Variants in H6PD observed in about 807,000 individuals in gnomAD.
H6PD encodes the protein GDH/6PGL endoplasmic bifunctional protein.
H6PD carries 48 observed loss-of-function variants against 61.2 expected under a neutral mutation model. The observed-to-expected ratio is 0.78, with a 90% CI of 0.62 to 1.00. H6PD has a LOEUF of 1.00. Ranked by LOEUF, H6PD falls within the 50% of genes least tolerant of loss-of-function variation. H6PD has a pLI of 0.00. For missense variants in H6PD, 1,093 were observed against 1,065.0 expected, an observed-to-expected ratio of 1.03 and a Z score of -0.37; for synonymous variants, 480 against 457.9, an observed-to-expected ratio of 1.05 and a Z score of -0.62.
chr1:9,239,575 A>G (rs1484775604), intron 1 of H6PD, among the ~76,000 whole-genome samples: 1 of 152,260 alleles, frequency 6.6e-6, no homozygotes, highest in Non-Finnish European at 1.5e-5. Context: ...TTGTAAAAAG[A>G]CTAGGCACAT....
At chr1:9,246,566 C>T (rs531122040) in intron 2 of H6PD, among the ~76,000 whole-genome samples, 100 of 152,236 alleles carry the variant, frequency 6.6e-4, no homozygotes, top group Non-Finnish European at 1.1e-3. Context: ...AGTAGGATTC[C>T]TAAATAGGGG....
intron 1 of H6PD, 73 bp from the exon 2 acceptor site, chr1:9,244,852 G>A: frequency 7.1e-7 from 1 of 1,402,614 alleles, no homozygotes; most frequent in Non-Finnish European, 1.0e-6. Context: ...GGAAGTGTTT[G>A]TTTCCACATC....
rs766100678 is a variant in H6PD, at chr1:9,264,262, C to T, written c.1769C>T (p.Ser590Leu). Residue 590 changes from serine (S) to leucine (L), a missense_variant, in exon 5 of 5, where the codon TCG (serine) becomes TTG (leucine). By Grantham distance (145) the Ser-to-Leu change is moderately radical. Transcript: ENST00000377403. ...RRFGQFHLAL[S>L]GGSSPVALFQ... ...TTTGGCCAGTTCCACCTGGCACTGT[C>T]GGGGGGCTCGAGCCCCGTGGCCCTG... 1.9e-5 allele frequency: 30 copies of T among 1,609,414 alleles called. No individual in the cohort carries two copies. The highest frequency in any genetic ancestry group is 9.3e-5 in the African/African-American group (7 of 74,876).
intron 4 of H6PD, among the ~76,000 whole-genome samples, chr1:9,262,687 A>C (rs1638363947): frequency 6.6e-6 from 1 of 152,108 alleles, no homozygotes; most frequent in Non-Finnish European, 1.5e-5. Flanking sequence ...ACAGCTGGAG[A>C]CACTTCCAGC....
chr1:9,264,755 C>G lies in H6PD; in HGVS notation c.2262C>G (p.Ile754Met). 6.8e-6 allele frequency: 11 copies of G among 1,613,022 alleles called. No individual in the cohort carries two copies. Among genetic ancestry groups the G allele is most frequent in the Non-Finnish European group, 9.3e-6 (11 of 1,179,874 alleles). The stretch of plus-strand genomic sequence containing the variant: ...TCATGGGCAGGATGAAGCGTGAGAT[C>G]ACCACGCTGGTGAGCCGGGTGGGCC... The part of the protein sequence containing the change: ...VLVMGRMKRE[I>M]TTLVSRVGHE... Residue 754 changes from isoleucine to methionine, a missense_variant, in exon 5 of 5, where the codon ATC becomes ATG. Physicochemically the swap from Ile to Met is conservative, Grantham distance 10. Coordinates refer to ENST00000377403, the MANE Select transcript of H6PD (RefSeq NM_004285.4).
rs970052180 is a variant in H6PD at position 9,269,274 on chromosome 1, C to T, written c.*4405C>T. On this transcript the variant is annotated 3_prime_UTR_variant, in exon 5 of 5. Transcript: ENST00000377403. This position sits in a 1 kb window ranked among gnomAD's most constrained non-coding sequence, Gnocchi z 4.3. Reference sequence around the variant, plus strand: ...GCTGGCTGAACTGAACGCATTCCCTCTCTCCGCAACTCTCCCGTGAGGCTG... The same window carrying T: ...GCTGGCTGAACTGAACGCATTCCCTTTCTCCGCAACTCTCCCGTGAGGCTG... The T allele has an allele frequency of 6.6e-6, 1 of 152,356 alleles. No homozygotes were observed. Among genetic ancestry groups the T allele is most frequent in the Non-Finnish European group, 1.5e-5 (1 of 68,130 alleles). 9.4% of individuals were successfully genotyped at this position (152,356 alleles called of 1,614,324 possible).
chr1:9,265,692 C>T lies in H6PD; in HGVS notation c.*823C>T, dbSNP rs9434745. On this transcript the variant is annotated 3_prime_UTR_variant, in exon 5 of 5. Coordinates refer to ENST00000377403, the MANE Select transcript of H6PD (RefSeq NM_004285.4). ...AAATATTTGCAGAGATGAGCTCTTG[C>T]TATGTTGCCCAGGCTGGTCTCAAAC... is the stretch of plus-strand genomic sequence containing the variant. 1 of 152,506 alleles carries T rather than the reference C, an allele frequency of 6.6e-6. No individual in the cohort carries two copies. The highest frequency in any genetic ancestry group is 2.4e-5 in the African/African-American group (1 of 41,542). The allele number at this position is 152,506 out of a possible 1,614,324, so 9.4% of individuals were successfully genotyped here.
At chr1:9,244,896 T>C (rs1244438470) in intron 1 of H6PD, 29 bp from the exon 2 acceptor site, 1 of 1,609,852 alleles carries the variant, frequency 6.2e-7, no homozygotes, top group African/African-American at 1.3e-5. Flanking sequence ...TCCTTCCTTG[T>C]TCCTCGTCTG....
chr1:9,247,216 G>C, intron 3 of H6PD, 133 bp downstream of exon 3: 1 of 725,236 alleles, frequency 1.4e-6, no homozygotes, highest in Non-Finnish European at 2.5e-6. Context: ...CGTGTGCCTA[G>C]CTCTGAACCG....
rs1638518531 is a variant in H6PD at position 9,265,274 on chromosome 1, GA to G, written c.*407del. The G allele has an allele frequency of 2.8e-6, 1 of 358,850 alleles. No homozygotes were observed. 22.2% of individuals were successfully genotyped at this position (358,850 alleles called of 1,614,324 possible). ...AGGTTTCCTGGGGGAGGTGATCCTT[GA>G]ACTGGCTCCCGGGGAACATTCAGAG... On this transcript the variant is annotated 3_prime_UTR_variant, in exon 5 of 5. Coordinates refer to ENST00000377403, the MANE Select transcript of H6PD (RefSeq NM_004285.4).
chr1:9,248,250 G>T (rs561798462), intron 3 of H6PD, among the ~76,000 whole-genome samples: 4 of 152,368 alleles, frequency 2.6e-5, no homozygotes, highest in Admixed American at 6.5e-5. Context: ...TGGGCCAGGA[G>T]GTTTCTCCTC....
chr1:9,242,228 C>T (rs939796355), intron 1 of H6PD, among the ~76,000 whole-genome samples: 1 of 152,098 alleles, frequency 6.6e-6, no homozygotes, highest in Admixed American at 6.5e-5. Flanking sequence ...TGCTCTTGGA[C>T]CAGCTGTCAG....
In H6PD at chr1:9,264,773, G is replaced by A; in HGVS notation, c.2280G>A (p.Arg760=). The change falls in exon 5 of 5, where the codon CGG becomes CGA. Residue 760 remains arginine, a synonymous_variant. Transcript: ENST00000377403. Reference sequence around the variant, plus strand: ...GTGAGATCACCACGCTGGTGAGCCGGGTGGGCCATGAGCCCAAGAAGTGGC... The same window carrying A: ...GTGAGATCACCACGCTGGTGAGCCGAGTGGGCCATGAGCCCAAGAAGTGGC... ...MKREITTLVS[R]VGHEPKKWPI... The A allele has an allele frequency of 1.2e-6, 2 of 1,613,120 alleles. No individual in the cohort carries two copies. Among genetic ancestry groups the A allele is most frequent in the Non-Finnish European group, 8.5e-7 (1 of 1,179,998 alleles).
intron 1 of H6PD, among the ~76,000 whole-genome samples, chr1:9,241,745 A>G (rs1402841886): frequency 2.0e-5 from 3 of 152,130 alleles, no homozygotes; most frequent in Non-Finnish European, 4.4e-5. Context: ...AGTGGTCTTG[A>G]GCCCAGGTCC....
At chr1:9,242,849 G>T in intron 1 of H6PD, 1 of 985,444 alleles carries the variant, frequency 1.0e-6, no homozygotes, top group Non-Finnish European at 1.2e-6. Flanking sequence ...CCTCTCTCCT[G>T]CACTGACCTT....
At chr1:9,259,175 G>A (rs1255412663) in intron 3 of H6PD, among the ~76,000 whole-genome samples, 1 of 152,176 alleles carries the variant, frequency 6.6e-6, no homozygotes, top group Non-Finnish European at 1.5e-5. Context: ...GTATTTTTTA[G>A]TAGAGACGGG....
In H6PD at chr1:9,264,018, C is replaced by T. The variant is rs544848285; in HGVS notation, c.1525C>T (p.Arg509Cys). 18 of 1,614,186 alleles carry T rather than the reference C, an allele frequency of 1.1e-5. No individual in the cohort carries two copies. In the South Asian group the frequency reaches 1.2e-4, roughly 11 times the overall value. Residue 509 changes from arginine to cysteine, a missense_variant, in exon 5 of 5, where the codon CGT becomes TGT. Coordinates refer to ENST00000377403, the MANE Select transcript of H6PD (RefSeq NM_004285.4). ...CTACCCTGGAGGAGCTGAGAATGGC[C>T]GTCTGTTGGACTTTGAGTTCAGTAG... ...RLYPGGAENG[R>C]LLDFEFSSGR...
At chr1:9,252,140 T>C (rs1255259041) in intron 3 of H6PD, among the ~76,000 whole-genome samples, 1 of 152,226 alleles carries the variant, frequency 6.6e-6, no homozygotes, top group Non-Finnish European at 1.5e-5. Flanking sequence ...GTTCTTGCAG[T>C]GTGTCTGAGT....
intron 3 of H6PD, among the ~76,000 whole-genome samples, chr1:9,258,589 G>T (rs1415092235): frequency 6.6e-6 from 1 of 152,040 alleles, no homozygotes; most frequent in Non-Finnish European, 1.5e-5. Flanking sequence ...TGCTGGTGTT[G>T]TAACATTGCT....
Sources: allele counts gnomAD v4.1 joint callset (sites outside exome capture counted in the v4.1 genomes callset), GRCh38; gene constraint gnomAD v4.1.1; non-coding constraint Gnocchi (gnomAD v3.1); transcripts MANE v1.5; gene names NCBI Gene and HGNC (gene_info 2026-07-23, HGNC 2026-07-21).